The following PDE7B variants were observed in gnomAD, a reference collection of about 807,000 sequenced individuals.
The protein encoded by PDE7B is 3',5'-cyclic-AMP phosphodiesterase 7B.
Under a neutral mutation model 56.2 loss-of-function variants are expected in PDE7B, and 29 were observed. That is an observed-to-expected ratio of 0.52 (90% CI 0.38 to 0.70). The LOEUF is 0.70. PDE7B is among the 30% of genes least tolerant of loss of function. PDE7B has a pLI of 0.00. For missense variants in PDE7B, 490 were observed against 565.0 expected (o/e 0.87, Z 1.35); for synonymous variants, 197 against 196.9 (o/e 1.00, Z 0.00).
intron 1 of PDE7B, among the ~76,000 whole-genome samples, chr6:135,869,969 T>C (rs577780510): frequency 6.6e-6 from 1 of 152,272 alleles, no homozygotes; most frequent in African/African-American, 2.4e-5. Flanking sequence ...TGGTGGAAAT[T>C]GTACTCTTCT....
At chr6:135,940,071 T>C (rs1034929135) in intron 1 of PDE7B, among the ~76,000 whole-genome samples, 1 of 152,156 alleles carries the variant, frequency 6.6e-6, no homozygotes, top group African/African-American at 2.4e-5. Context: ...TTGACCCCAA[T>C]TTTTCTCCAA....
intron 2 of PDE7B, among the ~76,000 whole-genome samples, chr6:136,052,865 C>T (rs1776656372): frequency 6.6e-6 from 1 of 152,022 alleles, no homozygotes; most frequent in African/African-American, 2.4e-5. Context: ...TAACCTGGCA[C>T]TTCCCTCATA....
intron 6 of PDE7B, among the ~76,000 whole-genome samples, chr6:136,152,048 T>A (rs1048860325): frequency 6.6e-6 from 1 of 152,168 alleles, no homozygotes; most frequent in African/African-American, 2.4e-5. Flanking sequence ...ATCTTCACAC[T>A]GAGTAGGCTG....
At chr6:135,926,213 A>G (rs1405961080) in intron 1 of PDE7B, among the ~76,000 whole-genome samples, 1 of 150,634 alleles carries the variant, frequency 6.6e-6, no homozygotes, top group Non-Finnish European at 1.5e-5. Flanking sequence ...CAGCCTCCCG[A>G]GCAGCTGGGA....
rs769737617 is a variant in PDE7B at position 136,108,713 on chromosome 6, G to T, written c.83-18G>T. 1.3e-6 allele frequency: 2 copies of T among 1,551,606 alleles called. No individual in the cohort carries two copies. Among genetic ancestry groups the T allele is most frequent in the Admixed American group, 1.7e-5 (1 of 59,928 alleles). On this transcript the variant is annotated intron_variant, in intron 2 of 12. Coordinates refer to ENST00000308191, the MANE Select transcript of PDE7B (RefSeq NM_018945.4). ...TGGCAATGTTTTCAAGCCTTTGTTT[G>T]GATTTTCTGTTTTCTAGGAGATATA...
chr6:136,141,039 G>A (rs570793057), intron 3 of PDE7B, among the ~76,000 whole-genome samples: 4 of 152,110 alleles, frequency 2.6e-5, no homozygotes, highest in African/African-American at 7.2e-5. Context: ...TCCCTGTATT[G>A]TGCCAGTTTT....
chr6:136,039,682 C>A (rs1776383653), intron 2 of PDE7B, among the ~76,000 whole-genome samples: 1 of 151,862 alleles, frequency 6.6e-6, no homozygotes, highest in Non-Finnish European at 1.5e-5. Context: ...ACAATGAGTC[C>A]TTGAGTACAT....
At chr6:136,123,236 G>A (rs1431203948) in intron 3 of PDE7B, among the ~76,000 whole-genome samples, 3 of 152,136 alleles carry the variant, frequency 2.0e-5, no homozygotes, top group Non-Finnish European at 4.4e-5. Context: ...ACGCGTGCCT[G>A]TAGTCCTAGC....
intron 2 of PDE7B, among the ~76,000 whole-genome samples, chr6:136,051,279 A>T (rs905070011): frequency 6.6e-6 from 1 of 152,190 alleles, no homozygotes; most frequent in Non-Finnish European, 1.5e-5. Context: ...AGGAAACAGG[A>T]AATACCAGAA....
chr6:136,124,477 A>G (rs1265706807), intron 3 of PDE7B, among the ~76,000 whole-genome samples: 2 of 152,230 alleles, frequency 1.3e-5, no homozygotes, highest in Admixed American at 1.3e-4. Context: ...TCACTTTGCT[A>G]TATAAAACAA....
chr6:136,021,944 A>T (rs1449206548), intron 2 of PDE7B, among the ~76,000 whole-genome samples: 1 of 152,008 alleles, frequency 6.6e-6, no homozygotes, highest in South Asian at 2.1e-4. Flanking sequence ...CTGGCCTGGA[A>T]TCTCATCTCA....
chr6:136,162,589 A>AT (rs1778724531), intron 8 of PDE7B, among the ~76,000 whole-genome samples: 1 of 152,128 alleles, frequency 6.6e-6, no homozygotes, highest in South Asian at 2.1e-4. Flanking sequence ...TTCAAAACAC[A>AT]GTCATGCCTT....
intron 2 of PDE7B, among the ~76,000 whole-genome samples, chr6:136,016,238 A>G (rs561350185): frequency 6.6e-6 from 1 of 152,322 alleles, no homozygotes; most frequent in East Asian, 1.9e-4. Context: ...CATTGCTGAG[A>G]TGATTAGATG....
intron 2 of PDE7B, among the ~76,000 whole-genome samples, chr6:135,990,389 A>G (rs954335490): frequency 1.3e-5 from 2 of 152,064 alleles, no homozygotes; most frequent in Admixed American, 6.6e-5. Flanking sequence ...AGCTACTATG[A>G]CCGGCCAGCA....
chr6:136,016,386 G>A (rs1253304146), intron 2 of PDE7B, among the ~76,000 whole-genome samples: 1 of 152,150 alleles, frequency 6.6e-6, no homozygotes, highest in African/African-American at 2.4e-5. Context: ...CAACTAGTAA[G>A]GGCACAAAGC....
At chr6:135,869,769 C>G (rs1183719885) in intron 1 of PDE7B, among the ~76,000 whole-genome samples, 2 of 152,164 alleles carry the variant, frequency 1.3e-5, no homozygotes, top group Middle Eastern at 3.2e-3. Flanking sequence ...GAGAAAGAGA[C>G]AGCCAAACCT....
At chr6:135,942,353 TTTA>T (rs57981155) in intron 1 of PDE7B, among the ~76,000 whole-genome samples, 76,886 of 151,606 alleles carry the variant, frequency 0.51, 19,773 homozygotes, top group East Asian at 0.65. Flanking sequence ...TGCAGTAATT[TTTA>T]TTATGTTTAA....
chr6:136,013,369 T>A (rs1583828639), intron 2 of PDE7B, among the ~76,000 whole-genome samples: 2 of 152,242 alleles, frequency 1.3e-5, no homozygotes, highest in East Asian at 3.8e-4. Context: ...TTCCTCTTTC[T>A]TTCCAAATCC....
At chr6:135,852,068 G>C in intron 1 of PDE7B, 49 bp downstream of exon 1, 1 of 1,250,382 alleles carries the variant, frequency 8.0e-7, no homozygotes, top group Non-Finnish European at 1.2e-6. Context: ...TGAGAGAATA[G>C]AGTCACAGAG....
Sources: gnomAD v4.1 joint callset for allele counts (sites outside exome capture counted in the v4.1 genomes callset) on GRCh38, gnomAD v4.1.1 for gene constraint, MANE v1.5 for transcripts, NCBI Gene and HGNC (gene_info 2026-07-23, HGNC 2026-07-21) for gene names.